FOXP2: variants seen among roughly 807,000 people sequenced by gnomAD.
The protein encoded by FOXP2 is forkhead box protein P2.
Under a neutral mutation model 115.8 loss-of-function variants are expected in FOXP2, and 12 were observed. That is an observed-to-expected ratio of 0.10 (90% CI 0.07 to 0.17). The LOEUF (loss-of-function observed/expected upper bound fraction) is 0.17. FOXP2 is among the 10% of genes least tolerant of loss of function. The pLI is 1.00. For synonymous variants in FOXP2, 328 were observed against 297.7 expected (o/e 1.10, Z -1.05); for missense variants, 629 against 843.5 (o/e 0.75, Z 3.15).
intron 1 of FOXP2, among the ~76,000 whole-genome samples, chr7:114,222,936 A>G (rs1794659969): frequency 6.6e-6 from 1 of 152,218 alleles, no homozygotes; most frequent in Non-Finnish European, 1.5e-5. Context: ...TGCCAATACA[A>G]TGCATTCATT....
chr7:114,379,893 G>A (rs1215322701), intron 2 of FOXP2, among the ~76,000 whole-genome samples: 1 of 152,114 alleles, frequency 6.6e-6, no homozygotes, highest in Admixed American at 6.5e-5. Context: ...TTGGTTAGCT[G>A]CAGGCAAAAA....
At chr7:114,410,182 A>G (rs1793129678), upstream of FOXP2, among the ~76,000 whole-genome samples, 1 of 152,066 alleles carries the variant, frequency 6.6e-6, no homozygotes, top group African/African-American at 2.4e-5. Flanking sequence ...CTCTCTTCAC[A>G]TATTCCTCAT....
chr7:114,484,486 A>G (rs1346430190), intron 2 of FOXP2, among the ~76,000 whole-genome samples: 1 of 151,902 alleles, frequency 6.6e-6, no homozygotes, highest in Non-Finnish European at 1.5e-5. Flanking sequence ...CCAAGAACAA[A>G]TAAAAATCTT....
chr7:114,371,575 T>C (rs997874185), intron 2 of FOXP2, among the ~76,000 whole-genome samples: 1 of 152,172 alleles, frequency 6.6e-6, no homozygotes, highest in African/African-American at 2.4e-5. Context: ...GCATTTGGAT[T>C]ATATTTGTTA....
chr7:114,503,324 T>A (rs1172380467), intron 2 of FOXP2, among the ~76,000 whole-genome samples: 1 of 151,652 alleles, frequency 6.6e-6, no homozygotes, highest in Non-Finnish European at 1.5e-5. Context: ...GATTTTAAAA[T>A]TTTTTTATTG....
Position 114,689,938 on chromosome 7 carries a change from T to G in FOXP2, c.*12T>G, listed in dbSNP as rs773914498. 4 of 1,612,692 alleles carry G rather than the reference T, an allele frequency of 2.5e-6. No individual in the cohort carries two copies. Among genetic ancestry groups the G allele is most frequent in the Non-Finnish European group, 1.7e-6 (2 of 1,179,182 alleles). On this transcript the variant is annotated 3_prime_UTR_variant, in exon 17 of 17. Transcript: ENST00000350908. Reference sequence around the variant, plus strand: ...AAGATCTGGAATGAGAACTGACTTGTGAAACCTCAGCGTGAAGGGACATAT... The same window carrying G: ...AAGATCTGGAATGAGAACTGACTTGGGAAACCTCAGCGTGAAGGGACATAT...
At chr7:114,401,975 A>G (rs1792896543) in intron 2 of FOXP2, among the ~76,000 whole-genome samples, 1 of 152,044 alleles carries the variant, frequency 6.6e-6, no homozygotes, top group Non-Finnish European at 1.5e-5. Flanking sequence ...TACAAAAATT[A>G]GCTAGGCATG....
rs557415724 is a variant in FOXP2, at chr7:114,370,090, A to G, written c.-10-56412A>G. Among the ~76,000 whole-genome samples, 3 of 152,320 alleles carry G rather than the reference A, an allele frequency of 2.0e-5. No homozygotes were observed. The East Asian group carries it at 5.8e-4, about 29-fold the overall frequency. On this transcript the variant is annotated intron_variant, in intron 2 of 17. Transcript: ENST00000634411. ...AAATTTAAAGTATTGGGAAAAAAAT[A>G]TGTTGCCCTTTGTATGGCCCCTGCT...
At chr7:114,178,807 G>C (rs1793382655) in intron 1 of FOXP2, among the ~76,000 whole-genome samples, 1 of 151,738 alleles carries the variant, frequency 6.6e-6, no homozygotes, top group African/African-American at 2.4e-5. Context: ...TCTTTAATTA[G>C]TTTTGATGAT....
rs564837347 is a variant in FOXP2 at position 114,509,676 on chromosome 7, G to A, written c.169-24941G>A. On this transcript the variant is annotated intron_variant, in intron 2 of 16. Transcript: ENST00000350908. ...TTTGTTTTGTTTTCTTTGGTGGGGG[G>A]GGGGCTTGTTAATAAGGAGTTCAGT... is the stretch of plus-strand genomic sequence containing the variant. Among the ~76,000 whole-genome samples the A allele has an allele frequency of 1.4e-3, 202 of 148,066 alleles. 2 individuals carry two copies. The highest frequency in any genetic ancestry group is 1.4e-3 in the Non-Finnish European group (91 of 66,940).
intron 13 of FOXP2, chr7:114,661,810 G>A: frequency 2.3e-6 from 1 of 434,726 alleles, no homozygotes; most frequent in South Asian, 2.1e-5. Flanking sequence ...ATTTAGACCA[G>A]TTCAATGAAA....
At chr7:114,678,706 T>C (rs967726234) in intron 16 of FOXP2, among the ~76,000 whole-genome samples, 4 of 152,132 alleles carry the variant, frequency 2.6e-5, no homozygotes, top group South Asian at 2.1e-4. Flanking sequence ...CACACATCAA[T>C]GTTATTGTGG....
intron 3 of FOXP2, among the ~76,000 whole-genome samples, chr7:114,596,861 T>A (rs1802741703): frequency 6.6e-6 from 1 of 152,104 alleles, no homozygotes; most frequent in South Asian, 2.1e-4. Flanking sequence ...AGCACAGTCT[T>A]GTCCTGGCCT....
chr7:114,560,439 T>C (rs1386455245), intron 3 of FOXP2, among the ~76,000 whole-genome samples: 1 of 151,770 alleles, frequency 6.6e-6, no homozygotes, highest in Non-Finnish European at 1.5e-5. Context: ...AACCTAAAAA[T>C]GTTAAAAATA....
chr7:114,656,511 G>A (rs746792152), intron 10 of FOXP2: 2 of 453,914 alleles, frequency 4.4e-6, no homozygotes, highest in South Asian at 3.1e-5. Flanking sequence ...AGGTGCTCTT[G>A]TACATCCCAG....
chr7:114,431,538 G>A (rs562707262), intron 2 of FOXP2, among the ~76,000 whole-genome samples: 1 of 152,028 alleles, frequency 6.6e-6, no homozygotes, highest in South Asian at 2.1e-4. Flanking sequence ...AATTTAGATA[G>A]TAACGGCTGG....
intron 3 of FOXP2, among the ~76,000 whole-genome samples, chr7:114,543,507 A>G (rs190757262): frequency 2.6e-5 from 4 of 152,066 alleles, no homozygotes; most frequent in African/African-American, 7.3e-5. Flanking sequence ...AAATTTCAAT[A>G]AAATTTGCCC....
chr7:114,494,636 C>G (rs1400887350), intron 2 of FOXP2, among the ~76,000 whole-genome samples: 4 of 152,052 alleles, frequency 2.6e-5, no homozygotes, highest in Non-Finnish European at 5.9e-5. Flanking sequence ...TATAGAATAT[C>G]AGAACATTTA....
At chr7:114,141,755 G>C (rs991012999) in intron 1 of FOXP2, among the ~76,000 whole-genome samples, 1 of 152,212 alleles carries the variant, frequency 6.6e-6, no homozygotes, top group Non-Finnish European at 1.5e-5. Context: ...AATGTTAACT[G>C]TAACAGCCTA....
Sources: allele counts gnomAD v4.1 joint callset (sites outside exome capture counted in the v4.1 genomes callset), GRCh38; gene constraint gnomAD v4.1.1; transcripts MANE v1.5; gene names NCBI Gene and HGNC (gene_info 2026-07-23, HGNC 2026-07-21).